TTC28: variants seen among roughly 807,000 people sequenced by gnomAD.
TTC28 encodes tetratricopeptide repeat protein 28.
Under a neutral mutation model 198.0 loss-of-function variants are expected in TTC28, and 61 were observed. That is an observed-to-expected ratio of 0.31 (90% CI 0.25 to 0.38). The LOEUF (loss-of-function observed/expected upper bound fraction) is 0.38, where lower values mean the gene tolerates loss of function less well. Among genes scored for constraint, TTC28 ranks in the 10% least tolerant of loss-of-function variants. TTC28 has a pLI of 1.00. For missense variants in TTC28, 2,678 were observed against 3,164.0 expected, an observed-to-expected ratio of 0.85 and a Z score of 3.69; for synonymous variants, 1,171 against 1,297.8, an observed-to-expected ratio of 0.90 and a Z score of 2.10.
intron 6 of TTC28, among the ~76,000 whole-genome samples, chr22:28,133,606 C>T (rs1012721591): frequency 3.9e-5 from 6 of 152,336 alleles, no homozygotes; most frequent in South Asian, 2.1e-4. Flanking sequence ...CAGAGCCTCC[C>T]TCATTGCTAG....
chr22:28,551,586 T>A (rs897261169), intron 2 of TTC28, among the ~76,000 whole-genome samples: 1 of 152,164 alleles, frequency 6.6e-6, no homozygotes, highest in Admixed American at 6.5e-5. Context: ...TGTAAGTCAA[T>A]AAATGTGTTA....
At position 28,003,765 on chromosome 22, in the gene TTC28, A is replaced by G. The variant is rs187942289; in HGVS notation, c.4219-2212T>C. On this transcript the variant is annotated intron_variant, in intron 14 of 22. Coordinates refer to ENST00000397906, the MANE Select transcript of TTC28 (RefSeq NM_001145418.2). ...CTGCTAACTCTGCCCACGAAACCTC[A>G]TCTGCGGCACAAGCCTAATGATCAG... 9.8e-4 allele frequency among the ~76,000 whole-genome samples: 150 copies of G among 152,330 alleles called. 1 individual carries two copies. The highest frequency in any genetic ancestry group is 3.4e-3 in the African/African-American group (143 of 41,570).
At chr22:28,144,105 T>C (rs1272879456) in intron 6 of TTC28, among the ~76,000 whole-genome samples, 1 of 152,190 alleles carries the variant, frequency 6.6e-6, no homozygotes, top group Non-Finnish European at 1.5e-5. Context: ...CCAGGCACCA[T>C]GCAAAATGCT....
chr22:28,025,251 C>G (rs1339751995), intron 13 of TTC28, among the ~76,000 whole-genome samples: 1 of 152,170 alleles, frequency 6.6e-6, no homozygotes, highest in African/African-American at 2.4e-5. Flanking sequence ...AAACCTCAGA[C>G]TCAAGGTGGG....
At chr22:28,493,212 T>C (rs2048402901) in intron 2 of TTC28, among the ~76,000 whole-genome samples, 2 of 152,100 alleles carry the variant, frequency 1.3e-5, no homozygotes, top group South Asian at 4.2e-4. Flanking sequence ...AAAAATTAGC[T>C]GGGCATGGTG....
chr22:28,249,102 G>C (rs1930330961), intron 5 of TTC28, among the ~76,000 whole-genome samples: 1 of 152,006 alleles, frequency 6.6e-6, no homozygotes, highest in South Asian at 2.1e-4. Flanking sequence ...AGAAGACAAA[G>C]CGAGTACCAT....
intron 21 of TTC28, 82 bp from the exon 22 acceptor site, chr22:27,985,438 G>T: frequency 3.6e-6 from 4 of 1,100,004 alleles, no homozygotes; most frequent in Non-Finnish European, 5.3e-6. Flanking sequence ...GGCTCCTTGT[G>T]CAACTTCATG....
intron 2 of TTC28, among the ~76,000 whole-genome samples, chr22:28,466,901 G>A (rs1459897493): frequency 6.6e-6 from 1 of 151,390 alleles, no homozygotes; most frequent in Non-Finnish European, 1.5e-5. Flanking sequence ...AATACATTAG[G>A]AGGATATGAG....
chr22:28,217,315 A>C lies in TTC28; in HGVS notation c.934-53716T>G, dbSNP rs367727601. 6.8e-4 allele frequency among the ~76,000 whole-genome samples: 103 copies of C among 152,328 alleles called. 3 individuals are homozygous for C. The South Asian group carries it at 0.02, about 30-fold the overall frequency. On this transcript the variant is annotated intron_variant, in intron 5 of 22. Transcript: ENST00000397906. Reference sequence around the variant, plus strand: ...GAGTGCCAGAAACATCTAGATTGCCAGAAAAATCTATAACTGACCTAACAA... The same window carrying C: ...GAGTGCCAGAAACATCTAGATTGCCCGAAAAATCTATAACTGACCTAACAA...
chr22:28,225,127 C>T lies in TTC28; in HGVS notation c.934-61528G>A, dbSNP rs1403947919. On this transcript the variant is annotated intron_variant, in intron 5 of 22. Transcript: ENST00000397906. ...CAATGGCTCACCTGTAATCCCAGCA[C>T]TTTGGGAGGCCGAGGTCAGGAGTTT... Among the ~76,000 whole-genome samples the T allele has an allele frequency of 2.0e-5, 3 of 151,788 alleles. No individual in the cohort carries two copies. The South Asian group carries it at 6.2e-4, about 32-fold the overall frequency.
intron 5 of TTC28, among the ~76,000 whole-genome samples, chr22:28,272,256 A>G (rs1416527840): frequency 6.6e-6 from 1 of 152,222 alleles, no homozygotes; most frequent in East Asian, 1.9e-4. Context: ...TCAGAGCACT[A>G]TTATCACTCA....
chr22:28,112,320 G>A (rs1942506041), intron 6 of TTC28, among the ~76,000 whole-genome samples: 1 of 152,108 alleles, frequency 6.6e-6, no homozygotes, highest in East Asian at 1.9e-4. Flanking sequence ...AGTTAATAGG[G>A]AGCAGTCGGG....
chr22:28,656,908 T>A (rs1486013772), intron 1 of TTC28, among the ~76,000 whole-genome samples: 1 of 151,448 alleles, frequency 6.6e-6, no homozygotes, highest in African/African-American at 2.4e-5. Context: ...AAGTATAATT[T>A]AAAAAAATAC....
intron 6 of TTC28, among the ~76,000 whole-genome samples, chr22:28,145,088 C>G (rs1234304334): frequency 6.6e-6 from 1 of 152,174 alleles, no homozygotes; most frequent in Non-Finnish European, 1.5e-5. Flanking sequence ...CTCCTTAAAT[C>G]TCTTGCCACA....
chr22:28,459,990 G>A (rs1017535534), intron 2 of TTC28: 8 of 152,012 alleles, frequency 5.3e-5, no homozygotes, highest in African/African-American at 1.5e-4. Context: ...AAACAAATAC[G>A]TATACACTTA....
intron 10 of TTC28, 134 bp downstream of exon 10, chr22:28,098,781 G>C: frequency 1.7e-6 from 2 of 1,148,662 alleles, no homozygotes; most frequent in Non-Finnish European, 2.4e-6. Flanking sequence ...ACTGGTTGTA[G>C]TTGTGGCTTC....
chr22:28,288,277 C>T (rs542453644), intron 5 of TTC28, among the ~76,000 whole-genome samples: 2 of 152,206 alleles, frequency 1.3e-5, no homozygotes, highest in South Asian at 2.1e-4. Flanking sequence ...TTTCTTTTTA[C>T]TTTATAAATT....
chr22:28,058,914 C>A (rs1466073625), intron 12 of TTC28, among the ~76,000 whole-genome samples: 1 of 151,892 alleles, frequency 6.6e-6, no homozygotes, highest in African/African-American at 2.4e-5. Context: ...TTCTCTTATC[C>A]TTGTTATGTC....
chr22:28,198,112 C>A (rs1925556092), intron 5 of TTC28, among the ~76,000 whole-genome samples: 2 of 152,048 alleles, frequency 1.3e-5, no homozygotes, highest in Admixed American at 1.3e-4. Context: ...CTGAAAATGT[C>A]TTTTGATGAA....
Sources: gnomAD v4.1 joint callset for allele counts (sites outside exome capture counted in the v4.1 genomes callset) on GRCh38, gnomAD v4.1.1 for gene constraint, MANE v1.5 for transcripts, NCBI Gene and HGNC (gene_info 2026-07-23, HGNC 2026-07-21) for gene names.